Variants in ZNF91 observed in about 807,000 individuals in gnomAD.
ZNF91 encodes zinc finger protein 91, also known as zinc finger protein 91 (HPF7, HTF10).
Under a neutral mutation model 12.6 loss-of-function variants are expected in ZNF91, and 7 were observed. The observed-to-expected ratio is 0.55, with a 90% CI of 0.31 to 1.04. ZNF91 has a LOEUF of 1.04. ZNF91 is among the 50% of genes least tolerant of loss of function. The pLI is 0.05. For synonymous variants in ZNF91, 453 were observed against 462.6 expected (o/e 0.98, Z 0.27); for missense variants, 1,217 against 1,385.4 (o/e 0.88, Z 1.93).
At chr19:23,376,350 T>C (rs1177099195) in intron 1 of ZNF91, among the ~76,000 whole-genome samples, 1 of 151,970 alleles carries the variant, frequency 6.6e-6, no homozygotes, top group Non-Finnish European at 1.5e-5. Flanking sequence ...AGAAAAGAAA[T>C]ATTTTCAGAG....
downstream of ZNF91, among the ~76,000 whole-genome samples, chr19:23,336,382 T>C (rs1399160704): frequency 6.6e-6 from 1 of 152,220 alleles, no homozygotes; most frequent in African/African-American, 2.4e-5. Context: ...AGGCAGTGTC[T>C]GATTTACATA....
In ZNF91 at chr19:23,370,023, A is replaced by AAAAC. The variant is rs1335190858; in HGVS notation, c.253+3715_253+3718dup. On this transcript the variant is annotated intron_variant, in intron 3 of 3. Transcript: ENST00000300619. ...CAATAAAAAAAAAAAAAAAAAGCAA[A>AAAAC]AAACAAACAAACAAACAAACAAAAC... Among the ~76,000 whole-genome samples the AAAAC allele has an allele frequency of 4.0e-5, 6 of 150,974 alleles. No homozygotes were observed. The East Asian group carries it at 9.7e-4, about 24-fold the overall frequency.
chr19:23,319,072 C>T (rs1340926973), intron 1 of ZNF91, among the ~76,000 whole-genome samples: 1 of 152,190 alleles, frequency 6.6e-6, no homozygotes, highest in Non-Finnish European at 1.5e-5. Flanking sequence ...CTGGGCCCCT[C>T]ACCTAAATGA....
chr19:23,375,210 G>A (rs1482916135), intron 1 of ZNF91, among the ~76,000 whole-genome samples: 1 of 151,654 alleles, frequency 6.6e-6, no homozygotes. Flanking sequence ...GCCCAGGCTG[G>A]AGCACAGTGG....
intron 3 of ZNF91, among the ~76,000 whole-genome samples, chr19:23,366,984 C>G (rs1969042826): frequency 6.6e-6 from 1 of 152,190 alleles, no homozygotes; most frequent in South Asian, 2.1e-4. Context: ...ACGACACATA[C>G]TAAGTTTTAT....
rs1201288441 is a variant in ZNF91 at position 23,374,894 on chromosome 19, A to G, written c.31-130T>C. 2.8e-6 allele frequency: 4 copies of G among 1,428,206 alleles called. No homozygotes were observed. The East Asian group carries it at 9.6e-5, about 34-fold the overall frequency. 88.5% of individuals were successfully genotyped at this position (1,428,206 alleles called of 1,614,324 possible). ...ATAAGAGTGGCTGAAATTATCCAAT[A>G]AAATAATTGTCAACACACAAACGTT... On this transcript the variant is annotated intron_variant, in intron 1 of 3. Coordinates refer to ENST00000300619, the MANE Select transcript of ZNF91 (RefSeq NM_003430.4).
At chr19:23,388,873 T>A (rs539796842) in intron 1 of ZNF91, among the ~76,000 whole-genome samples, 11 of 151,050 alleles carry the variant, frequency 7.3e-5, no homozygotes, top group East Asian at 5.8e-4. Context: ...AACCATCTTT[T>A]AAAAAAAAAG....
At chr19:23,365,758 T>C (rs1599730802) in intron 3 of ZNF91, among the ~76,000 whole-genome samples, 1 of 151,750 alleles carries the variant, frequency 6.6e-6, no homozygotes, top group South Asian at 2.1e-4. Flanking sequence ...GATTAGGGAG[T>C]AGTGATGACT....
intron 1 of ZNF91, among the ~76,000 whole-genome samples, chr19:23,386,964 A>G (rs1969893119): frequency 6.6e-6 from 1 of 152,210 alleles, no homozygotes; most frequent in African/African-American, 2.4e-5. Context: ...TTTACAAGGA[A>G]AAAATACCTC....
chr19:23,387,422 GA>G (rs1969907025), intron 1 of ZNF91, among the ~76,000 whole-genome samples: 1 of 152,166 alleles, frequency 6.6e-6, no homozygotes, highest in African/African-American at 2.4e-5. Flanking sequence ...ACTGAATAAA[GA>G]AAATATGGTA....
intron 3 of ZNF91, among the ~76,000 whole-genome samples, chr19:23,349,413 T>C (rs1382759904): frequency 6.6e-6 from 1 of 152,124 alleles, no homozygotes; most frequent in South Asian, 2.1e-4. Flanking sequence ...ATAACCTACA[T>C]TGAAATATTG....
chr19:23,333,502 T>C (rs1031996569), intron 1 of ZNF91, among the ~76,000 whole-genome samples: 6 of 152,216 alleles, frequency 3.9e-5, no homozygotes, highest in African/African-American at 1.2e-4. Context: ...AGGAGCCACA[T>C]GTACTGGAGG....
intron 3 of ZNF91, among the ~76,000 whole-genome samples, chr19:23,351,266 G>A (rs1821136263): frequency 6.6e-6 from 1 of 151,224 alleles, no homozygotes; most frequent in Admixed American, 6.6e-5. Flanking sequence ...AGAGGTTACA[G>A]TGAGCCAAGA....
chr19:23,373,153 TATAA>T (rs1363223409), intron 3 of ZNF91, among the ~76,000 whole-genome samples: 2 of 152,130 alleles, frequency 1.3e-5, no homozygotes, highest in Non-Finnish European at 2.9e-5. Flanking sequence ...GAAACCAGTC[TATAA>T]ATACTTGAAC....
At chr19:23,356,868 T>G (rs1037939524), downstream of ZNF91, among the ~76,000 whole-genome samples, 3 of 152,026 alleles carry the variant, frequency 2.0e-5, no homozygotes, top group Non-Finnish European at 4.4e-5. Flanking sequence ...CCGAGGTGAG[T>G]GGATCACCTG....
chr19:23,373,346 T>TTATATATATATA (rs200251921), intron 3 of ZNF91, among the ~76,000 whole-genome samples: 98 of 85,762 alleles, frequency 1.1e-3, no homozygotes, highest in African/African-American at 2.8e-3. Flanking sequence ...TCATGTAATC[T>TTATATATATATA]TATATATATA....
chr19:23,336,856 G>A (rs960051075), downstream of ZNF91, among the ~76,000 whole-genome samples: 17 of 152,000 alleles, frequency 1.1e-4, no homozygotes, highest in Non-Finnish European at 2.4e-4. Flanking sequence ...TGCAGGCTCC[G>A]CCCCCCAGGT....
intron 3 of ZNF91, among the ~76,000 whole-genome samples, chr19:23,368,888 G>A (rs922569933): frequency 1.3e-5 from 2 of 151,722 alleles, no homozygotes; most frequent in Non-Finnish European, 1.5e-5. Context: ...ACATTTGAAA[G>A]GACACACAAA....
intron 3 of ZNF91, among the ~76,000 whole-genome samples, chr19:23,373,346 T>TATATATATATA (rs1491403502): frequency 2.3e-5 from 2 of 85,802 alleles, no homozygotes; most frequent in African/African-American, 7.8e-5. Context: ...TCATGTAATC[T>TATATATATATA]TATATATATA....
Sources: allele counts gnomAD v4.1 joint callset (sites outside exome capture counted in the v4.1 genomes callset), GRCh38; gene constraint gnomAD v4.1.1; transcripts MANE v1.5; gene names NCBI Gene and HGNC (gene_info 2026-07-23, HGNC 2026-07-21).